ERBB4: variants seen among roughly 807,000 people sequenced by gnomAD.
ERBB4 encodes the protein erb-b2 receptor tyrosine kinase 4, also known as receptor tyrosine-protein kinase erbB-4.
A neutral mutation model predicts 158.0 loss-of-function variants in ERBB4; 42 were observed. The ratio of observed to expected loss-of-function variants is 0.27; its 90% CI spans 0.21 to 0.34. ERBB4 has a LOEUF of 0.34. ERBB4 is among the 10% of genes least tolerant of loss of function. The pLI, the probability that ERBB4 is intolerant of heterozygous loss-of-function variation, is 1.00. For synonymous variants in ERBB4, 583 were observed against 558.7 expected, an observed-to-expected ratio of 1.04 and a Z score of -0.61; for missense variants, 1,333 against 1,624.1, an observed-to-expected ratio of 0.82 and a Z score of 3.08.
intron 3 of ERBB4, among the ~76,000 whole-genome samples, chr2:211,809,377 G>T (rs890998546): frequency 6.6e-6 from 1 of 152,110 alleles, no homozygotes; most frequent in East Asian, 1.9e-4. Flanking sequence ...GCCTGTTATT[G>T]GTCTATTCAG....
chr2:211,777,751 T>C (rs529945681), intron 4 of ERBB4: 4 of 152,294 alleles, frequency 2.6e-5, no homozygotes, highest in East Asian at 3.9e-4. Context: ...TCTAATAATA[T>C]GAAACTAAAA....
At chr2:211,780,643 G>C (rs1173278593) in intron 4 of ERBB4, among the ~76,000 whole-genome samples, 1 of 152,180 alleles carries the variant, frequency 6.6e-6, no homozygotes, top group Non-Finnish European at 1.5e-5. Flanking sequence ...CATTAAAAAG[G>C]CAGCTGAGCT....
rs186401411 is a variant in ERBB4, at chr2:211,514,445, G to T, written c.2487+47458C>A. On this transcript the variant is annotated intron_variant, in intron 20 of 27. Coordinates refer to ENST00000342788, the MANE Select transcript of ERBB4 (RefSeq NM_005235.3). Reference sequence around the variant, plus strand: ...AGCATCTTCCAACTTTTAATATTGAGCACATAACAAGAAAAATGTTTTGAG... The same window carrying T: ...AGCATCTTCCAACTTTTAATATTGATCACATAACAAGAAAAATGTTTTGAG... Among the ~76,000 whole-genome samples the T allele has an allele frequency of 9.9e-5, 15 of 152,048 alleles. No homozygotes were observed. The East Asian group carries it at 2.9e-3, about 29-fold the overall frequency.
chr2:212,449,363 AC>A (rs1398873494), intron 1 of ERBB4, among the ~76,000 whole-genome samples: 1 of 152,176 alleles, frequency 6.6e-6, no homozygotes, highest in Non-Finnish European at 1.5e-5. Flanking sequence ...TACAAAATTT[AC>A]TAGACACTAG....
At chr2:211,843,560 A>T (rs2077522925) in intron 3 of ERBB4, among the ~76,000 whole-genome samples, 1 of 142,120 alleles carries the variant, frequency 7.0e-6, no homozygotes, top group African/African-American at 2.6e-5. Flanking sequence ...AATTTAAAAG[A>T]TAGCTATTCT....
intron 19 of ERBB4, among the ~76,000 whole-genome samples, chr2:211,605,681 G>A (rs1321234527): frequency 6.6e-6 from 1 of 152,042 alleles, no homozygotes; most frequent in Non-Finnish European, 1.5e-5. Context: ...CAGATAATAT[G>A]TATTTTCATA....
At chr2:211,674,514 AT>A (rs2071977226) in intron 13 of ERBB4, among the ~76,000 whole-genome samples, 1 of 152,110 alleles carries the variant, frequency 6.6e-6, no homozygotes, top group Admixed American at 6.6e-5. Context: ...ATGCACATAT[AT>A]TGAGTTACAT....
intron 3 of ERBB4, among the ~76,000 whole-genome samples, chr2:211,872,319 G>A (rs573826327): frequency 2.6e-5 from 4 of 152,248 alleles, no homozygotes; most frequent in African/African-American, 7.2e-5. Context: ...AGAAAGTATT[G>A]TAAGAGAATT....
At chr2:211,441,421 A>T (rs1393986780) in intron 20 of ERBB4, among the ~76,000 whole-genome samples, 1 of 152,164 alleles carries the variant, frequency 6.6e-6, no homozygotes, top group Non-Finnish European at 1.5e-5. Context: ...GTAATAATAC[A>T]AATTTCACTG....
intron 20 of ERBB4, among the ~76,000 whole-genome samples, chr2:211,434,337 GA>G (rs2063806445): frequency 6.6e-6 from 1 of 152,064 alleles, no homozygotes; most frequent in Non-Finnish European, 1.5e-5. Flanking sequence ...TGGGGTCTTT[GA>G]AAAGTGATTA....
At chr2:212,074,966 T>G (rs1387306417) in intron 2 of ERBB4, among the ~76,000 whole-genome samples, 1 of 151,864 alleles carries the variant, frequency 6.6e-6, no homozygotes, top group Non-Finnish European at 1.5e-5. Flanking sequence ...CCATCACATC[T>G]TAGGACAGTA....
chr2:212,453,335 G>A (rs1356312757), intron 1 of ERBB4, among the ~76,000 whole-genome samples: 6 of 152,126 alleles, frequency 3.9e-5, no homozygotes, highest in Admixed American at 3.9e-4. Flanking sequence ...CTCAAAGGCA[G>A]ACAGAAGTGA....
Position 212,009,798 on chromosome 2 carries a change from C to T in ERBB4, c.235-62182G>A, listed in dbSNP as rs571468669. ...GTTTCCTGAGACAGTTTTTCACCCC[C>T]ATCTCTTTGACAACCTGTTGCTTCT... is the stretch of plus-strand genomic sequence containing the variant. On this transcript the variant is annotated intron_variant, in intron 2 of 27. Transcript: ENST00000342788. 3.3e-5 allele frequency among the ~76,000 whole-genome samples: 5 copies of T among 152,188 alleles called. No homozygotes were observed. In the South Asian group the frequency reaches 1.0e-3, roughly 32 times the overall value.
intron 1 of ERBB4, among the ~76,000 whole-genome samples, chr2:212,489,135 T>G (rs1690133695): frequency 6.6e-6 from 1 of 151,542 alleles, no homozygotes; most frequent in African/African-American, 2.4e-5. Flanking sequence ...GAAATAATAG[T>G]TAAGTATAAA....
intron 20 of ERBB4, among the ~76,000 whole-genome samples, chr2:211,523,169 A>T (rs1163376989): frequency 7.1e-6 from 1 of 141,304 alleles, no homozygotes. Context: ...GCCTAAAACA[A>T]AAAAGCACCT....
At chr2:212,033,508 T>G (rs2076948337) in intron 2 of ERBB4, among the ~76,000 whole-genome samples, 2 of 151,904 alleles carry the variant, frequency 1.3e-5, no homozygotes, top group South Asian at 4.1e-4. Context: ...TTCCAATATT[T>G]GTATTTAAAC....
chr2:211,885,147 A>T (rs1020035832), intron 3 of ERBB4, among the ~76,000 whole-genome samples: 2 of 152,188 alleles, frequency 1.3e-5, no homozygotes, highest in Non-Finnish European at 2.9e-5. Context: ...ATAAGGCCAT[A>T]AACATCTCTT....
At chr2:212,004,299 A>T (rs2125290185) in intron 2 of ERBB4, among the ~76,000 whole-genome samples, 1 of 152,316 alleles carries the variant, frequency 6.6e-6, no homozygotes, top group Non-Finnish European at 1.5e-5. Context: ...GCAAACTTGG[A>T]AGCCTATTTG....
intron 1 of ERBB4, among the ~76,000 whole-genome samples, chr2:212,235,705 T>C (rs1450529488): frequency 6.6e-6 from 1 of 152,170 alleles, no homozygotes; most frequent in East Asian, 1.9e-4. Context: ...GTTGGATTCC[T>C]AGGTATTTTA....
Sources: gnomAD v4.1 joint callset for allele counts (sites outside exome capture counted in the v4.1 genomes callset) on GRCh38, gnomAD v4.1.1 for gene constraint, MANE v1.5 for transcripts, NCBI Gene and HGNC (gene_info 2026-07-23, HGNC 2026-07-21) for gene names.